CACNA2D4: variants seen among roughly 807,000 people sequenced by gnomAD.
The protein encoded by CACNA2D4 is voltage-dependent calcium channel subunit alpha-2/delta-4.
In CACNA2D4, 157 loss-of-function variants were observed where a neutral mutation model predicts 163.8. That is an observed-to-expected ratio of 0.96 (90% CI 0.84 to 1.09). The LOEUF (loss-of-function observed/expected upper bound fraction) is 1.09, where lower values mean the gene tolerates loss of function less well. Ranked by LOEUF, CACNA2D4 falls within the 50% of genes least tolerant of loss-of-function variation. The probability of loss-of-function intolerance (pLI) is 0.00; values close to 1 mark genes in which losing one functional copy is unlikely to be tolerated. For synonymous variants in CACNA2D4, 598 were observed against 586.9 expected (o/e 1.02, Z -0.27); for missense variants, 1,410 against 1,479.9 (o/e 0.95, Z 0.78).
chr12:1,862,657 C>T (rs1405408814), intron 18 of CACNA2D4, among the ~76,000 whole-genome samples: 1 of 152,206 alleles, frequency 6.6e-6, no homozygotes, highest in African/African-American at 2.4e-5. Context: ...AAGCGACCTG[C>T]TTACCTCGGC....
intron 6 of CACNA2D4, among the ~76,000 whole-genome samples, chr12:1,902,293 G>C (rs1866556982): frequency 6.6e-6 from 1 of 151,952 alleles, no homozygotes; most frequent in Non-Finnish European, 1.5e-5. Flanking sequence ...TTTCCTCTAA[G>C]ATCTGGAACA....
Position 1,878,330 on chromosome 12 carries a change from G to A in CACNA2D4, c.1704C>T (p.Pro568=), listed in dbSNP as rs186895987. Residue 568 remains proline (P), a synonymous_variant, in exon 16 of 38, where the codon CCC becomes CCT. Coordinates refer to ENST00000382722, the MANE Select transcript of CACNA2D4 (RefSeq NM_172364.5). This position sits in a 1 kb window ranked among gnomAD's most constrained non-coding sequence, Gnocchi z 4.6. The part of the protein sequence containing the change: ...NTNNGYILSH[P]DLRPLYREGK... ...CTGTACCTACCAGGGGCCGGAGGTC[G>A]GGATGGGAGAGGATGTAGCCATTGT... The A allele has an allele frequency of 4.0e-5, 64 of 1,609,780 alleles. No homozygotes were observed. The highest frequency in any genetic ancestry group is 6.7e-5 in the East Asian group (3 of 44,754).
chr12:1,858,399 G>T (rs1865446194), intron 20 of CACNA2D4, among the ~76,000 whole-genome samples, 178 bp downstream of exon 20: 1 of 152,126 alleles, frequency 6.6e-6, no homozygotes, highest in African/African-American at 2.4e-5. Context: ...GCATGCCCTG[G>T]GAGCCAGGGA....
rs997569250 is a variant in CACNA2D4, at chr12:1,795,607, C to T, written c.3226+61G>A. 8.2e-6 allele frequency: 10 copies of T among 1,225,144 alleles called. 1 individual carries two copies. In the South Asian group the frequency reaches 1.2e-4, roughly 15 times the overall value. 75.9% of individuals were successfully genotyped at this position (1,225,144 alleles called of 1,614,324 possible). A position where few individuals can be genotyped will look rare whatever the true frequency, so the allele number is the denominator to read the frequency against. ...GGCCCCGCTGCTCAAAATCTGAGCC[C>T]TACAGACACCTCCTACAGCCCCCGC... On this transcript the variant is annotated intron_variant, in intron 36 of 37. Transcript: ENST00000382722.
At position 1,846,656 on chromosome 12, in the gene CACNA2D4, C is replaced by T; in HGVS notation, c.2280G>A (p.Leu760=). ...ESEHVVDMAF[L]GTRAGLLRSS... is the part of the protein sequence containing the mutation. ...TTCTCAGGAGGCCAGCCCGGGTGCCCAGGAAGGCCATGTCCACCACGTGTT... is the reference window on the plus strand; with the variant it reads ...TTCTCAGGAGGCCAGCCCGGGTGCCTAGGAAGGCCATGTCCACCACGTGTT... The change falls in exon 24 of 38, where the codon CTG becomes CTA. Residue 760 remains leucine, a synonymous_variant. Coordinates refer to ENST00000382722, the MANE Select transcript of CACNA2D4 (RefSeq NM_172364.5). The T allele has an allele frequency of 6.2e-7, 1 of 1,603,350 alleles. No homozygotes were observed. The highest frequency in any genetic ancestry group is 8.5e-7 in the Non-Finnish European group (1 of 1,176,996).
intron 18 of CACNA2D4, among the ~76,000 whole-genome samples, chr12:1,868,079 A>G (rs1456970313): frequency 6.6e-6 from 1 of 152,252 alleles, no homozygotes; most frequent in African/African-American, 2.4e-5. Context: ...AATGAAAAGT[A>G]GAACTGCCAT....
At position 1,833,153 on chromosome 12, in the gene CACNA2D4, A is replaced by G. The variant is rs1285679270; in HGVS notation, c.2551+7586T>C. On this transcript the variant is annotated intron_variant, in intron 26 of 37. Transcript: ENST00000382722. The surrounding 1 kb of genome is among the most constrained non-coding windows in gnomAD (Gnocchi z 4.2). ...ATAGCGGAGTTGCTTTCAACATTGC[A>G]TTTCTTAAAAACAAAATCCTGGAAT... Among the ~76,000 whole-genome samples the G allele has an allele frequency of 6.6e-6, 1 of 152,196 alleles. No homozygotes were observed. The highest frequency in any genetic ancestry group is 1.5e-5 in the Non-Finnish European group (1 of 68,034).
intron 2 of CACNA2D4, among the ~76,000 whole-genome samples, chr12:1,914,524 G>A (rs1003779309): frequency 6.6e-6 from 1 of 152,118 alleles, no homozygotes; most frequent in African/African-American, 2.4e-5. Context: ...CATCACAGGT[G>A]TTAGGCCTGC....
chr12:1,813,129 T>C (rs975952409), intron 26 of CACNA2D4, among the ~76,000 whole-genome samples: 1 of 152,316 alleles, frequency 6.6e-6, no homozygotes, highest in African/African-American at 2.4e-5. Flanking sequence ...ACGGTTCTAC[T>C]TCCCCTGGAA....
In CACNA2D4 at chr12:1,874,375, C is replaced by G. The variant is rs545812905; in HGVS notation, c.1878+229G>C. On this transcript the variant is annotated intron_variant, in intron 18 of 37. Coordinates refer to ENST00000382722, the MANE Select transcript of CACNA2D4 (RefSeq NM_172364.5). The surrounding 1 kb of genome is among the most constrained non-coding windows in gnomAD (Gnocchi z 4.4). ...TTGGCCAGCTTTCTCCCCAGCTCAGCGGTCTCCCAAAAGCCAAGCATTGCA... is the reference window on the plus strand; with the variant it reads ...TTGGCCAGCTTTCTCCCCAGCTCAGGGGTCTCCCAAAAGCCAAGCATTGCA... 6.6e-6 allele frequency among the ~76,000 whole-genome samples: 1 copy of G among 152,300 alleles called. No homozygotes were observed. The highest frequency in any genetic ancestry group is 2.4e-5 in the African/African-American group (1 of 41,566).
At chr12:1,887,130 TG>T (rs1215472649) in intron 6 of CACNA2D4, 61 bp from the exon 7 acceptor site, 69 of 1,227,566 alleles carry the variant, frequency 5.6e-5, no homozygotes, top group Non-Finnish European at 7.6e-5. Flanking sequence ...ATCCCCTGGC[TG>T]GGTGTGGACC....
intron 18 of CACNA2D4, among the ~76,000 whole-genome samples, chr12:1,864,458 G>T (rs1188616298): frequency 6.6e-6 from 1 of 152,260 alleles, no homozygotes; most frequent in Non-Finnish European, 1.5e-5. Flanking sequence ...GCTGCAAGAT[G>T]AACATCCCAT....
chr12:1,875,268 C>T lies in CACNA2D4; in HGVS notation c.1789G>A (p.Glu597Lys), dbSNP rs761571228. The T allele has an allele frequency of 6.3e-7, 1 of 1,585,618 alleles. No homozygotes were observed. The highest frequency in any genetic ancestry group is 8.6e-7 in the Non-Finnish European group (1 of 1,165,360). The change falls in exon 17 of 38, where the codon GAA becomes AAA. Residue 597 changes from glutamate (E) to lysine (K), a missense_variant. Physicochemically the swap from Glu to Lys is moderately conservative, Grantham distance 56. Transcript: ENST00000382722. This position sits in a 1 kb window ranked among gnomAD's most constrained non-coding sequence, Gnocchi z 4.0. The stretch of plus-strand genomic sequence containing the variant: ...CCACTCACAGATTCAGCCTGGTCTT[C>T]CCACTCCACTTCGGAGAGATCCACA... ...NSVDLSEVEW[E>K]DQAESLRTAM...
At chr12:1,897,959 C>G (rs973040125) in intron 6 of CACNA2D4, among the ~76,000 whole-genome samples, 1 of 152,110 alleles carries the variant, frequency 6.6e-6, no homozygotes, top group African/African-American at 2.4e-5. Flanking sequence ...TGATGTCATA[C>G]TCAGCCATTA....
intron 37 of CACNA2D4, among the ~76,000 whole-genome samples, chr12:1,794,074 A>G (rs1011084736): frequency 1.3e-5 from 2 of 152,218 alleles, no homozygotes; most frequent in African/African-American, 4.8e-5. Flanking sequence ...ACCAGACTGT[A>G]TGAAGCACCC....
In CACNA2D4 at chr12:1,797,463, GC is replaced by G; in HGVS notation, c.3067del (p.Ala1023ProfsTer32). 6.3e-7 allele frequency: 1 copy of G among 1,583,768 alleles called. No homozygotes were observed. The highest frequency in any genetic ancestry group is 8.6e-7 in the Non-Finnish European group (1 of 1,168,288). ...TEYPVFVYQP[A>X]IREANGIVEC... ...CACGATCCCGTTGGCCTCCCGGATG[GC>G]CGGCTGGTACACGAACACGGGGTAC... On this transcript the variant is annotated frameshift_variant, in exon 35 of 38. Coordinates refer to ENST00000382722, the MANE Select transcript of CACNA2D4 (RefSeq NM_172364.5). LOFTEE classifies it high-confidence loss of function.
chr12:1,897,396 C>G (rs113712530), intron 6 of CACNA2D4, among the ~76,000 whole-genome samples: 7,122 of 152,196 alleles, frequency 0.047, 425 homozygotes, highest in African/African-American at 0.14. Flanking sequence ...GTTCCCAACA[C>G]ATAGAAATGA....
chr12:1,842,948 G>T (rs1865060895), intron 25 of CACNA2D4, among the ~76,000 whole-genome samples: 1 of 152,168 alleles, frequency 6.6e-6, no homozygotes, highest in Non-Finnish European at 1.5e-5. Flanking sequence ...TGTGGTAACG[G>T]GGCCTGGGCT....
intron 26 of CACNA2D4, among the ~76,000 whole-genome samples, chr12:1,822,387 G>A (rs911625613): frequency 2.0e-5 from 3 of 152,108 alleles, no homozygotes; most frequent in Non-Finnish European, 4.4e-5. Context: ...CATAGAGGCT[G>A]TCTGCCCCTC....
Sources: gnomAD v4.1 joint callset for allele counts (sites outside exome capture counted in the v4.1 genomes callset) on GRCh38, gnomAD v4.1.1 for gene constraint, Gnocchi (gnomAD v3.1) non-coding constraint, MANE v1.5 for transcripts, NCBI Gene and HGNC (gene_info 2026-07-23, HGNC 2026-07-21) for gene names.